OTOG: variants seen among roughly 807,000 people sequenced by gnomAD.
OTOG encodes the protein otogelin.
OTOG carries 296 observed loss-of-function variants against 313.8 expected under a neutral mutation model. The ratio of observed to expected loss-of-function variants is 0.94; its 90% CI spans 0.86 to 1.04. The LOEUF is 1.04. OTOG is among the 50% of genes least tolerant of loss of function. The pLI is 0.00. For missense variants in OTOG, 3,948 were observed against 3,840.1 expected (o/e 1.03, Z -0.74); for synonymous variants, 1,533 against 1,554.9 (o/e 0.99, Z 0.33).
chr11:17,553,092 G>A (rs187335771), intron 4 of OTOG, 27 bp from the exon 5 acceptor site: 1 of 1,548,090 alleles, frequency 6.5e-7, no homozygotes, highest in Non-Finnish European at 8.7e-7. Context: ...AGCTTGATGG[G>A]GCAATGACTC....
chr11:17,611,723 A>G (rs1233710235), intron 36 of OTOG, among the ~76,000 whole-genome samples: 2 of 152,098 alleles, frequency 1.3e-5, no homozygotes, highest in Non-Finnish European at 2.9e-5. Flanking sequence ...GTGAGAAAAT[A>G]TGAGCGCTCC....
Position 17,591,477 on chromosome 11 carries a change from C to T in OTOG, c.2895C>T (p.Cys965=). 6.4e-7 allele frequency: 1 copy of T among 1,550,718 alleles called. No individual in the cohort carries two copies. The highest frequency in any genetic ancestry group is 8.7e-7 in the Non-Finnish European group (1 of 1,147,022). ...TGTGCCAGCGGGGCTCATTCCAGTG[C>T]ACCCTGCACCCTTGCGCCTCCACCT... is the stretch of plus-strand genomic sequence containing the variant. The part of the protein sequence containing the change: ...TCVCQRGSFQ[C]TLHPCASTCT... The change falls in exon 25 of 56, where the codon TGC becomes TGT. Residue 965 remains cysteine (C), a synonymous_variant. Transcript: ENST00000399397.
intron 32 of OTOG, among the ~76,000 whole-genome samples, chr11:17,605,340 G>A (rs533445732): frequency 6.6e-6 from 1 of 152,310 alleles, no homozygotes; most frequent in South Asian, 2.1e-4. Context: ...CTATGAGTTG[G>A]ATGAAGGGTT....
chr11:17,599,725 T>C (rs1462151477), intron 31 of OTOG, 28 bp downstream of exon 31: 3 of 1,548,798 alleles, frequency 1.9e-6, no homozygotes, highest in African/African-American at 1.4e-5. Flanking sequence ...ACGCAGAGTC[T>C]CAGGGGCTCA....
At chr11:17,566,860 T>C (rs1852302438) in intron 15 of OTOG, among the ~76,000 whole-genome samples, 1 of 152,246 alleles carries the variant, frequency 6.6e-6, no homozygotes, top group Non-Finnish European at 1.5e-5. Context: ...CATACATTTG[T>C]AATGCAGTTA....
chr11:17,627,237 T>C (rs543819465), intron 39 of OTOG, among the ~76,000 whole-genome samples: 2 of 152,322 alleles, frequency 1.3e-5, no homozygotes, highest in East Asian at 3.9e-4. Context: ...CCATTCAATA[T>C]GATACTAGCT....
chr11:17,562,882 G>C (rs1326979943), intron 15 of OTOG, among the ~76,000 whole-genome samples: 1 of 152,182 alleles, frequency 6.6e-6, no homozygotes, highest in East Asian at 1.9e-4. Flanking sequence ...TTGGAGACTG[G>C]GATGAATTAG....
At chr11:17,592,327 A>C (rs1164353077) in intron 25 of OTOG, among the ~76,000 whole-genome samples, 6 of 152,186 alleles carry the variant, frequency 3.9e-5, no homozygotes, top group Non-Finnish European at 1.5e-5. Flanking sequence ...AAGGAATCCT[A>C]CCTATAGGGC....
chr11:17,570,308 T>C lies in OTOG; in HGVS notation c.1873T>C (p.Tyr625His). ...CTACGACCGTGAAGGGCTCCGACTG[T>C]ACCTGCAAGTGGACCAGCGATGGGT... ...VLYDREGLRLYLQVDQRWVED... is the reference protein window; with the variant it reads ...VLYDREGLRLHLQVDQRWVED... The change falls in exon 17 of 56, where the codon TAC (tyrosine) becomes CAC (histidine). Residue 625 changes from tyrosine (Y) to histidine (H), a missense_variant. Coordinates refer to ENST00000399397, the MANE Select transcript of OTOG (RefSeq NM_001292063.2). 2 of 1,550,782 alleles carry C rather than the reference T, an allele frequency of 1.3e-6. No homozygotes were observed. The highest frequency in any genetic ancestry group is 1.7e-6 in the Non-Finnish European group (2 of 1,147,032).
intron 3 of OTOG, among the ~76,000 whole-genome samples, chr11:17,550,189 T>G (rs1427168934): frequency 6.6e-6 from 1 of 152,236 alleles, no homozygotes; most frequent in Admixed American, 6.5e-5. Context: ...TTCCTACCAC[T>G]TATAGATGTT....
intron 47 of OTOG, among the ~76,000 whole-genome samples, chr11:17,636,308 T>C (rs1854266001): frequency 6.6e-6 from 1 of 152,174 alleles, no homozygotes; most frequent in African/African-American, 2.4e-5. Context: ...AGTACCTCAA[T>C]AGTAACTGTT....
chr11:17,602,145 G>T, intron 31 of OTOG, 65 bp from the exon 32 acceptor site: 1 of 1,524,404 alleles, frequency 6.6e-7, no homozygotes. Flanking sequence ...CAAGGGGTGG[G>T]GCAGGAGGTA....
In OTOG at chr11:17,632,129, C is replaced by T. The variant is rs562104032; in HGVS notation, c.6975C>T (p.Thr2325=). The T allele has an allele frequency of 6.4e-7, 1 of 1,551,036 alleles. No individual in the cohort carries two copies. Among genetic ancestry groups the T allele is most frequent in the East Asian group, 2.4e-5 (1 of 40,924 alleles). Residue 2325 remains threonine (T), a synonymous_variant, in exon 42 of 56, where the codon ACC becomes ACT. Coordinates refer to ENST00000399397, the MANE Select transcript of OTOG (RefSeq NM_001292063.2). ...ESFCELWIRD[T]KYVQQPCVAL... ...TCTGTGAGCTGTGGATCCGGGACAC[C>T]AAGTACGTGCAGCAGCCCTGCGTGG...
intron 8 of OTOG, among the ~76,000 whole-genome samples, chr11:17,557,888 G>T (rs559169730): frequency 6.6e-6 from 1 of 152,262 alleles, no homozygotes; most frequent in Non-Finnish European, 1.5e-5. Flanking sequence ...AGAGACACAG[G>T]AGCTTGTTCA....
chr11:17,608,641 C>T lies in OTOG; in HGVS notation c.4274+228C>T, dbSNP rs148632345. 4.6e-5 allele frequency among the ~76,000 whole-genome samples: 7 copies of T among 152,322 alleles called. No homozygotes were observed. In the East Asian group the frequency reaches 1.3e-3, roughly 29 times the overall value. ...GCGTGTGTTTGTGCGTGTACTACTA[C>T]AACTGTGCATTCGTTGTACACAGCT... On this transcript the variant is annotated intron_variant, in intron 34 of 55. Transcript: ENST00000399397.
At chr11:17,625,393 T>C (rs945142116) in intron 39 of OTOG, among the ~76,000 whole-genome samples, 1 of 152,242 alleles carries the variant, frequency 6.6e-6, no homozygotes, top group Non-Finnish European at 1.5e-5. Flanking sequence ...AAAAGCCTTT[T>C]CTGCACCTAT....
intron 39 of OTOG, among the ~76,000 whole-genome samples, chr11:17,615,069 CA>C (rs1231360325): frequency 6.6e-6 from 1 of 152,164 alleles, no homozygotes; most frequent in Non-Finnish European, 1.5e-5. Context: ...TAATAAGTGT[CA>C]AATAGAACCT....
Position 17,634,936 on chromosome 11 carries a change from A to C in OTOG, c.7573A>C (p.Ser2525Arg), listed in dbSNP as rs1404753405. The stretch of plus-strand genomic sequence containing the variant: ...CTTCCAGGAGGACTCCTGCTGCCCC[A>C]GCTACAGCTGTGGTGAGAGGCCCGG... ...THFQEDSCCPSYSCECDPDLC... is the reference protein window; with the variant it reads ...THFQEDSCCPRYSCECDPDLC... The change falls in exon 45 of 56, where the codon AGC becomes CGC. Residue 2525 changes from serine (S) to arginine (R), a missense_variant. Physicochemically the swap from Ser to Arg is moderately radical, Grantham distance 110 (BLOSUM62 -1). Transcript: ENST00000399397. The C allele has an allele frequency of 8.7e-7, 1 of 1,149,768 alleles. No individual in the cohort carries two copies. Among genetic ancestry groups the C allele is most frequent in the Non-Finnish European group, 1.2e-6 (1 of 841,046 alleles). 71.2% of individuals were successfully genotyped at this position (1,149,768 alleles called of 1,614,324 possible). A position where few individuals can be genotyped will look rare whatever the true frequency, so the allele number is the denominator to read the frequency against.
Position 17,634,962 on chromosome 11 carries a change from G to T in OTOG, c.7585+14G>T. The T allele has an allele frequency of 1.3e-6, 2 of 1,496,632 alleles. No homozygotes were observed. The highest frequency in any genetic ancestry group is 9.1e-7 in the Non-Finnish European group (1 of 1,100,616). 92.7% of individuals were successfully genotyped at this position (1,496,632 alleles called of 1,614,324 possible). ...GCTACAGCTGTGGTGAGAGGCCCGG[G>T]GTGGGGAGGGTGGGGGACGGACTGA... On this transcript the variant is annotated intron_variant, in intron 45 of 55. Transcript: ENST00000399397.
Sources: gnomAD v4.1 joint callset for allele counts (sites outside exome capture counted in the v4.1 genomes callset) on GRCh38, gnomAD v4.1.1 for gene constraint, MANE v1.5 for transcripts, NCBI Gene and HGNC (gene_info 2026-07-23, HGNC 2026-07-21) for gene names.